The following TRHDE variants were observed in gnomAD, a reference collection of about 807,000 sequenced individuals.
TRHDE encodes the protein thyrotropin-releasing hormone-degrading ectoenzyme.
A neutral mutation model predicts 125.7 loss-of-function variants in TRHDE; 72 were observed. The observed-to-expected ratio is 0.57, with a 90% CI of 0.47 to 0.70. TRHDE has a LOEUF of 0.70. Among genes scored for constraint, TRHDE ranks in the 30% least tolerant of loss-of-function variants. TRHDE has a pLI of 0.00. For missense variants in TRHDE, 1,110 were observed against 1,327.1 expected, an observed-to-expected ratio of 0.84 and a Z score of 2.54; for synonymous variants, 509 against 509.1, an observed-to-expected ratio of 1.00 and a Z score of 0.00.
intron 6 of TRHDE, among the ~76,000 whole-genome samples, chr12:72,517,985 T>A (rs1878968151): frequency 6.6e-6 from 1 of 151,110 alleles, no homozygotes; most frequent in African/African-American, 2.4e-5. Flanking sequence ...TGAGTTCTAG[T>A]TTGATTGCAC....
intron 2 of TRHDE, among the ~76,000 whole-genome samples, chr12:72,221,904 A>C (rs1878008238): frequency 6.6e-6 from 1 of 152,106 alleles, no homozygotes; most frequent in Non-Finnish European, 1.5e-5. Flanking sequence ...ATGCAGTTGC[A>C]GTGAAATGAT....
intron 2 of TRHDE, among the ~76,000 whole-genome samples, chr12:72,291,128 A>G (rs149278472): frequency 2.6e-5 from 4 of 152,248 alleles, no homozygotes; most frequent in East Asian, 1.9e-4. Flanking sequence ...AGGCCTCACC[A>G]TCTAATTTAG....
intron 9 of TRHDE, among the ~76,000 whole-genome samples, chr12:72,566,247 A>G (rs1430473619): frequency 6.6e-6 from 1 of 151,980 alleles, no homozygotes; most frequent in Non-Finnish European, 1.5e-5. Flanking sequence ...CTATATGTAG[A>G]TTTTCGTTAT....
intron 2 of TRHDE, among the ~76,000 whole-genome samples, chr12:72,260,938 C>A (rs1472425400): frequency 2.6e-5 from 4 of 152,100 alleles, no homozygotes; most frequent in Non-Finnish European, 5.9e-5. Context: ...TTGCTACAGT[C>A]TTTAGATTTG....
chr12:72,224,802 T>C (rs572377219), intron 2 of TRHDE, among the ~76,000 whole-genome samples: 4 of 152,312 alleles, frequency 2.6e-5, no homozygotes, highest in African/African-American at 9.6e-5. Context: ...TAAAGTGAGT[T>C]ATAAACATCT....
At chr12:72,101,796 G>T (rs1288361286) in intron 1 of TRHDE, among the ~76,000 whole-genome samples, 2 of 152,084 alleles carry the variant, frequency 1.3e-5, no homozygotes, top group Non-Finnish European at 2.9e-5. Context: ...GACTGTTTTG[G>T]TAAAGACAGA....
chr12:72,153,733 T>C (rs2139323132), intron 2 of TRHDE, among the ~76,000 whole-genome samples: 1 of 152,366 alleles, frequency 6.6e-6, no homozygotes, highest in Non-Finnish European at 1.5e-5. Flanking sequence ...TCCTGAGTTC[T>C]AGTTTGATTG....
chr12:72,418,713 C>T (rs1004744681), intron 3 of TRHDE, among the ~76,000 whole-genome samples: 3 of 152,078 alleles, frequency 2.0e-5, no homozygotes, highest in Admixed American at 1.3e-4. Flanking sequence ...CATTAATCCT[C>T]ACACCAATAA....
At chr12:72,468,775 G>C (rs1012345386) in intron 3 of TRHDE, among the ~76,000 whole-genome samples, 1 of 152,232 alleles carries the variant, frequency 6.6e-6, no homozygotes, top group East Asian at 1.9e-4. Flanking sequence ...ACTGCCTGTT[G>C]CTGGAGCCAG....
chr12:72,229,899 C>G (rs144091185), intron 2 of TRHDE, among the ~76,000 whole-genome samples: 3 of 152,040 alleles, frequency 2.0e-5, no homozygotes, highest in African/African-American at 7.2e-5. Context: ...ATGCTAATAC[C>G]ATGTTACAGG....
chr12:72,115,243 T>C (rs1435725810), intron 2 of TRHDE, among the ~76,000 whole-genome samples: 1 of 111,750 alleles, frequency 8.9e-6, no homozygotes, highest in East Asian at 3.2e-4. Flanking sequence ...CCTCCCACTA[T>C]TCTACTCTAT....
At chr12:72,275,955 T>C (rs1242831234) in intron 1 of TRHDE, among the ~76,000 whole-genome samples, 2 of 152,304 alleles carry the variant, frequency 1.3e-5, no homozygotes, top group Admixed American at 6.5e-5. Context: ...GAGAAAGTCC[T>C]TGTTCTTCAT....
intron 6 of TRHDE, among the ~76,000 whole-genome samples, chr12:72,516,164 T>C (rs1216437637): frequency 5.9e-5 from 9 of 151,430 alleles, no homozygotes; most frequent in Non-Finnish European, 1.2e-4. Context: ...AAAGTAGTTT[T>C]TTCCAATTCT....
intron 3 of TRHDE, among the ~76,000 whole-genome samples, chr12:72,395,122 T>G (rs951910594): frequency 6.6e-6 from 1 of 152,212 alleles, no homozygotes; most frequent in Non-Finnish European, 1.5e-5. Flanking sequence ...GTCTCCATGT[T>G]GTACAATAGA....
At chr12:72,244,354 CA>C (rs1258197956) in intron 2 of TRHDE, among the ~76,000 whole-genome samples, 1 of 152,068 alleles carries the variant, frequency 6.6e-6, no homozygotes, top group African/African-American at 2.4e-5. Context: ...ATGCATTTAA[CA>C]ACGCTGTTTG....
chr12:72,669,952 G>T lies in TRHDE; in HGVS notation c.*6757G>T, dbSNP rs967311866. On this transcript the variant is annotated 3_prime_UTR_variant, in exon 19 of 19. Transcript: ENST00000261180. Reference sequence around the variant, plus strand: ...TAAAAAAGATTAGGGCTTGTATTATGCATTGTCTAGTTACTTGAACAATAA... The same window carrying T: ...TAAAAAAGATTAGGGCTTGTATTATTCATTGTCTAGTTACTTGAACAATAA... 6 of 151,714 alleles carry T rather than the reference G, an allele frequency of 4.0e-5. No individual in the cohort carries two copies. Among genetic ancestry groups the T allele is most frequent in the African/African-American group, 1.4e-4 (6 of 41,390 alleles). The allele number at this position is 151,714 out of a possible 1,614,324, so 9.4% of individuals were successfully genotyped here.
intron 3 of TRHDE, among the ~76,000 whole-genome samples, chr12:72,457,741 A>G (rs1299249788): frequency 6.6e-6 from 1 of 152,174 alleles, no homozygotes; most frequent in Non-Finnish European, 1.5e-5. Flanking sequence ...GGCACAATAC[A>G]TCTTTGTTTT....
chr12:72,414,977 T>C, intron 3 of TRHDE, among the ~76,000 whole-genome samples: 1 of 152,220 alleles, frequency 6.6e-6, no homozygotes, highest in South Asian at 2.1e-4. Context: ...AGGATTTGAG[T>C]TTAGTTATAT....
chr12:72,404,923 A>G (rs1446982063), intron 3 of TRHDE, among the ~76,000 whole-genome samples: 2 of 152,244 alleles, frequency 1.3e-5, no homozygotes, highest in African/African-American at 2.4e-5. Context: ...CTGCATGTAA[A>G]TCACATAGAC....
Sources: allele counts gnomAD v4.1 joint callset (sites outside exome capture counted in the v4.1 genomes callset), GRCh38; gene constraint gnomAD v4.1.1; transcripts MANE v1.5; gene names NCBI Gene and HGNC (gene_info 2026-07-23, HGNC 2026-07-21).